EIF3B: variants seen among roughly 807,000 people sequenced by gnomAD.
The protein encoded by EIF3B is eukaryotic translation initiation factor 3 subunit 9.
Under a neutral mutation model 104.6 loss-of-function variants are expected in EIF3B, and 10 were observed. The observed-to-expected ratio is 0.10, with a 90% CI of 0.06 to 0.16. EIF3B has a LOEUF of 0.16. Ranked by LOEUF, EIF3B falls within the 10% of genes least tolerant of loss-of-function variation. EIF3B has a pLI of 1.00. For missense variants in EIF3B, 1,014 were observed against 1,087.9 expected (o/e 0.93, Z 0.96); for synonymous variants, 542 against 417.2 (o/e 1.30, Z -3.65).
At position 2,376,976 on chromosome 7, in the gene EIF3B, T is replaced by A. The variant is rs770157468; in HGVS notation, c.2055T>A (p.Thr685=). The A allele has an allele frequency of 6.2e-7, 1 of 1,613,940 alleles. No individual in the cohort carries two copies. Among genetic ancestry groups the A allele is most frequent in the Non-Finnish European group, 8.5e-7 (1 of 1,180,010 alleles). The part of the protein sequence containing the change: ...HKVDNAYWLW[T]FQGRLLQKNN... ...TGGACAACGCGTACTGGCTGTGGAC[T>A]TTCCAGGGACGCCTCCTGCAGAAGA... Residue 685 remains threonine, a synonymous_variant, in exon 15 of 19, where the codon ACT becomes ACA. Transcript: ENST00000360876.
intron 8 of EIF3B, 134 bp downstream of exon 8, chr7:2,366,725 C>A: frequency 9.7e-7 from 1 of 1,033,008 alleles, no homozygotes; most frequent in East Asian, 2.5e-5. Flanking sequence ...TCTCCTGTGC[C>A]TTTTTAACTG....
rs1200370433 is a variant in EIF3B at position 2,374,604 on chromosome 7, G to A, written c.1887G>A (p.Arg629=). 1.2e-6 allele frequency: 2 copies of A among 1,613,990 alleles called. No homozygotes were observed. Among genetic ancestry groups the A allele is most frequent in the Admixed American group, 3.3e-5 (2 of 60,014 alleles). ...QGQFVVLAGL[R]SMNGALAFVD... ...AGTTCGTGGTGTTGGCGGGCCTGAG[G>A]AGGTAGGTGTCTGCGCTCTGAGCCT... The change falls in exon 13 of 19, where the codon AGG becomes AGA. Residue 629 remains arginine (R), a splice_region_variant and synonymous_variant. Coordinates refer to ENST00000360876, the MANE Select transcript of EIF3B (RefSeq NM_001037283.2).
intron 9 of EIF3B, among the ~76,000 whole-genome samples, chr7:2,367,319 A>T (rs1431018435): frequency 6.6e-6 from 1 of 151,948 alleles, no homozygotes; most frequent in African/African-American, 2.4e-5. Flanking sequence ...CTCATTCCCA[A>T]GGGCTTCCCC....
At chr7:2,355,532 G>C (rs1261649690) in intron 1 of EIF3B, 112 bp downstream of exon 1, 2 of 1,357,194 alleles carry the variant, frequency 1.5e-6, no homozygotes, top group Non-Finnish European at 1.9e-6. Flanking sequence ...TTCCAGCGAG[G>C]GTGTCCGTGT....
chr7:2,371,414 G>A (rs1032906861), intron 10 of EIF3B, among the ~76,000 whole-genome samples: 1 of 152,248 alleles, frequency 6.6e-6, no homozygotes, highest in African/African-American at 2.4e-5. Flanking sequence ...ACTGTCTGAA[G>A]TGGTTTACCC....
chr7:2,354,575 G>A (rs183956941), upstream of EIF3B, among the ~76,000 whole-genome samples: 734 of 152,334 alleles, frequency 4.8e-3, 2 homozygotes, highest in South Asian at 0.011. Context: ...AAAGGAAAGG[G>A]GGAGGACGCC....
chr7:2,355,284 C>T lies in EIF3B; in HGVS notation c.363C>T (p.Ala121=), dbSNP rs2115266824. Reference sequence around the variant, plus strand: ...GGGACGAGCGCTCCGACAGCCGGGCCCAGGCGGTGTCCGAGGACGCGGGAG... The same window carrying T: ...GGGACGAGCGCTCCGACAGCCGGGCTCAGGCGGTGTCCGAGGACGCGGGAG... The part of the protein sequence containing the change: ...QARDERSDSR[A]QAVSEDAGGN... The change falls in exon 1 of 19, where the codon GCC becomes GCT. Residue 121 remains alanine, a synonymous_variant. Transcript: ENST00000360876. 1.3e-6 allele frequency: 2 copies of T among 1,536,138 alleles called. No individual in the cohort carries two copies. The highest frequency in any genetic ancestry group is 1.4e-5 in the African/African-American group (1 of 72,820).
rs759439991 is a variant in EIF3B, at chr7:2,380,362, G to C, written c.*173G>C. 10 of 518,776 alleles carry C rather than the reference G, an allele frequency of 1.9e-5. No homozygotes were observed. Among genetic ancestry groups the C allele is most frequent in the Non-Finnish European group, 3.5e-5 (9 of 259,796 alleles). 32.1% of individuals were successfully genotyped at this position (518,776 alleles called of 1,614,324 possible). On this transcript the variant is annotated 3_prime_UTR_variant, in exon 19 of 19. Transcript: ENST00000360876. ...CTCCTCCCTGTGCTCTCTGGCTCTG[G>C]ACTGTGACTGCGCCTGGATTCTGCC...
intron 14 of EIF3B, 137 bp from the exon 15 acceptor site, chr7:2,376,813 T>C: frequency 7.7e-7 from 1 of 1,297,618 alleles, no homozygotes. Flanking sequence ...CCTACCCTGC[T>C]GTCAGCTCAG....
intron 10 of EIF3B, among the ~76,000 whole-genome samples, chr7:2,370,773 A>C (rs1009487029): frequency 6.6e-6 from 1 of 151,616 alleles, no homozygotes; most frequent in South Asian, 2.1e-4. Context: ...TCCACAGATA[A>C]TTTTTAAAAG....
At chr7:2,369,407 C>A in intron 9 of EIF3B, 65 bp from the exon 10 acceptor site, 1 of 1,542,548 alleles carries the variant, frequency 6.5e-7, no homozygotes, top group South Asian at 1.1e-5. Flanking sequence ...GTTCTATTCT[C>A]TTCTGCTTTT....
intron 4 of EIF3B, 114 bp from the exon 5 acceptor site, chr7:2,363,518 T>C (rs190158212): frequency 5.5e-5 from 51 of 934,474 alleles, no homozygotes; most frequent in Middle Eastern, 2.3e-4. Context: ...GGTTAGGGTG[T>C]GACTTGGGAG....
intron 11 of EIF3B, 39 bp downstream of exon 11, chr7:2,371,888 T>C (rs755628636): frequency 1.3e-6 from 2 of 1,520,614 alleles, no homozygotes; most frequent in Non-Finnish European, 1.8e-6. Flanking sequence ...GAATGGGGCC[T>C]ACGTGCTGTT....
chr7:2,369,719 C>G, intron 10 of EIF3B, 37 bp downstream of exon 10: 1 of 1,584,092 alleles, frequency 6.3e-7, no homozygotes, highest in African/African-American at 1.4e-5. Context: ...GATTCCTTAT[C>G]CTGAGCTCTG....
intron 9 of EIF3B, among the ~76,000 whole-genome samples, chr7:2,367,802 G>T (rs141799844): frequency 7.0e-6 from 1 of 143,646 alleles, no homozygotes; most frequent in Non-Finnish European, 1.5e-5. Flanking sequence ...GAGAGAAAAC[G>T]GTGAGTTTGT....
In EIF3B at chr7:2,355,032, C is replaced by T. The variant is rs1779315583; in HGVS notation, c.111C>T (p.Pro37=). 8.4e-7 allele frequency: 1 copy of T among 1,195,240 alleles called. No homozygotes were observed. Among genetic ancestry groups the T allele is most frequent in the Admixed American group, 4.5e-5 (1 of 22,164 alleles). 74.0% of individuals were successfully genotyped at this position (1,195,240 alleles called of 1,614,324 possible). A position where few individuals can be genotyped will look rare whatever the true frequency, so the allele number is the denominator to read the frequency against. ...CGCCAGCCGAGGGGCTGCTGCGGCC[C>T]GCGGGGCCCGGCGCTCCGGAGGCCG... is the stretch of plus-strand genomic sequence containing the variant. The part of the protein sequence containing the change: ...EPPPAEGLLR[P]AGPGAPEAAG... Residue 37 remains proline (P), a synonymous_variant, in exon 1 of 19, where the codon CCC becomes CCT. Coordinates refer to ENST00000360876, the MANE Select transcript of EIF3B (RefSeq NM_001037283.2).
At chr7:2,366,073 G>T (rs1194365538) in intron 6 of EIF3B, among the ~76,000 whole-genome samples, 1 of 152,186 alleles carries the variant, frequency 6.6e-6, no homozygotes, top group Non-Finnish European at 1.5e-5. Context: ...TAGCAGCCTT[G>T]TGTGGGATCG....
At chr7:2,373,741 T>C (rs1013779342) in intron 12 of EIF3B, 3 of 151,144 alleles carry the variant, frequency 2.0e-5, no homozygotes, top group African/African-American at 4.9e-5. Context: ...AGGCACCTTG[T>C]ACCTTCCAAA....
At chr7:2,367,213 G>A in intron 9 of EIF3B, 168 bp downstream of exon 9, 3 of 613,502 alleles carry the variant, frequency 4.9e-6, no homozygotes, top group Non-Finnish European at 8.3e-6. Context: ...CCTGCAGACT[G>A]TCTGGTGACG....
Sources: allele counts gnomAD v4.1 joint callset (sites outside exome capture counted in the v4.1 genomes callset), GRCh38; gene constraint gnomAD v4.1.1; transcripts MANE v1.5; gene names NCBI Gene and HGNC (gene_info 2026-07-23, HGNC 2026-07-21).